ACYP2: variants seen among roughly 807,000 people sequenced by gnomAD.
ACYP2 encodes acylphosphatase 2.
A neutral mutation model predicts 11.2 loss-of-function variants in ACYP2; 12 were observed. That is an observed-to-expected ratio of 1.08 (90% CI 0.69 to 1.74). The LOEUF (loss-of-function observed/expected upper bound fraction) is 1.74, where lower values mean the gene tolerates loss of function less well. ACYP2 is among the 40% of genes most tolerant of loss of function. The pLI is 0.00. For synonymous variants in ACYP2, 43 were observed against 32.2 expected, an observed-to-expected ratio of 1.33 and a Z score of -1.13; for missense variants, 134 against 101.9, an observed-to-expected ratio of 1.31 and a Z score of -1.35.
At chr2:54,122,076 G>A (rs975777608) in intron 4 of ACYP2, among the ~76,000 whole-genome samples, 1 of 152,180 alleles carries the variant, frequency 6.6e-6, no homozygotes, top group African/African-American at 2.4e-5. Context: ...GGAAAGCTTT[G>A]TAACAATTAA....
chr2:54,139,713 A>G (rs552240718), intron 6 of ACYP2, among the ~76,000 whole-genome samples: 65 of 152,206 alleles, frequency 4.3e-4, no homozygotes, highest in Non-Finnish European at 7.6e-4. Context: ...TTAGATTTCC[A>G]AAGCAATAGG....
intron 2 of ACYP2, among the ~76,000 whole-genome samples, chr2:54,045,961 A>G (rs1015690026): frequency 6.6e-6 from 1 of 152,064 alleles, no homozygotes; most frequent in Non-Finnish European, 1.5e-5. Context: ...GCTTCAGCTC[A>G]GGAGCTCTAG....
chr2:54,034,459 G>A (rs1014590131), intron 2 of ACYP2, among the ~76,000 whole-genome samples: 6 of 152,090 alleles, frequency 3.9e-5, no homozygotes, highest in African/African-American at 9.7e-5. Flanking sequence ...TTACAGTTGC[G>A]TACAGTATTC....
intron 4 of ACYP2, among the ~76,000 whole-genome samples, chr2:54,066,913 T>C (rs1021621975): frequency 2.0e-5 from 3 of 152,210 alleles, no homozygotes; most frequent in African/African-American, 7.2e-5. Flanking sequence ...GTAGCTCCAC[T>C]ACAAATAAGG....
chr2:54,150,764 C>T (rs1353567145), intron 6 of ACYP2, among the ~76,000 whole-genome samples: 2 of 129,906 alleles, frequency 1.5e-5, no homozygotes, highest in South Asian at 2.4e-4. Context: ...TTTTGTGAGA[C>T]GGAGTCTTGC....
rs543328607 is a variant in ACYP2, at chr2:53,972,606, C to CA, written c.-36-1095dup. On this transcript the variant is annotated intron_variant, in intron 1 of 6. Transcript: ENST00000607452. The stretch of plus-strand genomic sequence containing the variant: ...TGGGTGGCAGAGCGAGACTCCGTCT[C>CA]AAAAAAAAAAAAGAGTCACTCTGGC... Among the ~76,000 whole-genome samples, 226 of 137,072 alleles carry CA rather than the reference C, an allele frequency of 1.6e-3. 1 individual carries two copies. The highest frequency in any genetic ancestry group is 7.6e-3 in the South Asian group (33 of 4,314). The allele number at this position is 137,072 out of a possible 152,430, so 89.9% of individuals were successfully genotyped here. A position where few individuals can be genotyped will look rare whatever the true frequency, so the allele number is the denominator to read the frequency against.
At chr2:54,030,934 C>A (rs927348942) in intron 2 of ACYP2, among the ~76,000 whole-genome samples, 1 of 152,098 alleles carries the variant, frequency 6.6e-6, no homozygotes, top group Non-Finnish European at 1.5e-5. Flanking sequence ...AAGGTCAGAT[C>A]TGTGCCAATC....
At chr2:54,274,625 C>CAAAA (rs70944155) in intron 6 of ACYP2, among the ~76,000 whole-genome samples, 12 of 37,672 alleles carry the variant, frequency 3.2e-4, no homozygotes, top group East Asian at 8.3e-4. Context: ...GACTCCATCT[C>CAAAA]AAAAAAAAAA....
intron 2 of ACYP2, among the ~76,000 whole-genome samples, chr2:54,025,441 A>G (rs560186437): frequency 5.3e-5 from 8 of 152,276 alleles, no homozygotes; most frequent in African/African-American, 1.9e-4. Context: ...CAGCCAACTG[A>G]TCTTCAACAC....
chr2:54,304,205 A>G (rs985901030), intron 6 of ACYP2, among the ~76,000 whole-genome samples: 3 of 117,334 alleles, frequency 2.6e-5, no homozygotes, highest in African/African-American at 6.9e-5. Context: ...GATCTCTTTC[A>G]TTATATATAT....
rs1192602994 is a variant in ACYP2, at chr2:53,971,161, C to A, written c.-197C>A. ...GGGCTGCGCCTTCTTCGCCGTGGGC[C>A]CGGCTCGGAGCCCCCACCCCAGGCC... On this transcript the variant is annotated 5_prime_UTR_variant, in exon 1 of 7. Coordinates refer to ENST00000607452, the MANE Select transcript of ACYP2 (RefSeq NM_001320586.2). 1 of 192,666 alleles carries A rather than the reference C, an allele frequency of 5.2e-6. No homozygotes were observed. The highest frequency in any genetic ancestry group is 1.0e-5 in the Non-Finnish European group (1 of 95,510). 11.9% of individuals were successfully genotyped at this position (192,666 alleles called of 1,614,324 possible).
At chr2:54,097,913 TTTC>T (rs1479288495) in intron 4 of ACYP2, among the ~76,000 whole-genome samples, 3 of 149,556 alleles carry the variant, frequency 2.0e-5, no homozygotes, top group African/African-American at 7.4e-5. Flanking sequence ...CCTTCCTTTC[TTTC>T]TTCTTTCTTC....
chr2:54,012,966 C>T (rs1253871925), intron 2 of ACYP2, among the ~76,000 whole-genome samples: 2 of 152,174 alleles, frequency 1.3e-5, no homozygotes, highest in African/African-American at 4.8e-5. Context: ...GTTACGCCAG[C>T]TCTTAGCTGT....
intron 4 of ACYP2, among the ~76,000 whole-genome samples, chr2:54,071,535 A>G (rs12616638): frequency 0.42 from 63,144 of 151,346 alleles, 13,839 homozygotes; most frequent in East Asian, 0.72. Context: ...GTATGGTCAT[A>G]GCTCACTGCA....
chr2:54,095,336 TC>T (rs1050606159), intron 4 of ACYP2, among the ~76,000 whole-genome samples: 1 of 152,094 alleles, frequency 6.6e-6, no homozygotes, highest in Non-Finnish European at 1.5e-5. Flanking sequence ...TCCCCACCTT[TC>T]CCCCACTTCT....
intron 6 of ACYP2, among the ~76,000 whole-genome samples, chr2:54,195,250 T>C (rs1684412695): frequency 6.6e-6 from 1 of 152,168 alleles, no homozygotes; most frequent in African/African-American, 2.4e-5. Flanking sequence ...CACAAACCAA[T>C]TTACCTAGCT....
At chr2:53,992,049 C>T (rs6730494) in intron 2 of ACYP2, among the ~76,000 whole-genome samples, 14,828 of 150,854 alleles carry the variant, frequency 0.098, 1,021 homozygotes, top group African/African-American at 0.2. Flanking sequence ...CTCCCTCCTT[C>T]CCTCCCTCTT....
rs148739766 is a variant in ACYP2, at chr2:54,075,162, C to G, written c.277+17802C>G. Among the ~76,000 whole-genome samples the G allele has an allele frequency of 1.2e-4, 19 of 152,252 alleles. No homozygotes were observed. The East Asian group carries it at 2.1e-3, about 17-fold the overall frequency. On this transcript the variant is annotated intron_variant, in intron 4 of 6. Coordinates refer to ENST00000607452, the MANE Select transcript of ACYP2 (RefSeq NM_001320586.2). ...CAACGGACGGTGTGTGCCTGATAGG[C>G]TACTTAGGCTATTAACAGATTTAGT...
intron 4 of ACYP2, among the ~76,000 whole-genome samples, chr2:54,095,655 G>A (rs1474528586): frequency 1.5e-5 from 2 of 135,638 alleles, no homozygotes; most frequent in African/African-American, 2.8e-5. Flanking sequence ...CTGGCCGCGC[G>A]GGGGGCTGAC....
Sources: allele counts gnomAD v4.1 joint callset (sites outside exome capture counted in the v4.1 genomes callset), GRCh38; gene constraint gnomAD v4.1.1; transcripts MANE v1.5; gene names NCBI Gene and HGNC (gene_info 2026-07-23, HGNC 2026-07-21).